The following ZDHHC17 variants were observed in gnomAD, a reference collection of about 807,000 sequenced individuals.
The protein encoded by ZDHHC17 is zDHHC palmitoyltransferase 17.
In ZDHHC17, 40 loss-of-function variants were observed where a neutral mutation model predicts 90.3. The ratio of observed to expected loss-of-function variants is 0.44; its 90% CI spans 0.34 to 0.58. The LOEUF is 0.58. Ranked by LOEUF, ZDHHC17 falls within the 20% of genes least tolerant of loss-of-function variation. ZDHHC17 has a pLI of 0.01. For missense variants in ZDHHC17, 614 were observed against 780.8 expected (o/e 0.79, Z 2.55); for synonymous variants, 235 against 252.4 (o/e 0.93, Z 0.65).
At chr12:76,811,687 A>G (rs1233456180) in intron 5 of ZDHHC17, among the ~76,000 whole-genome samples, 1 of 151,970 alleles carries the variant, frequency 6.6e-6, no homozygotes, top group Non-Finnish European at 1.5e-5. Context: ...ATTCAGGCAT[A>G]ATAGAATATG....
At chr12:76,842,688 A>G (rs1393750531) in intron 11 of ZDHHC17, among the ~76,000 whole-genome samples, 3 of 152,204 alleles carry the variant, frequency 2.0e-5, no homozygotes, top group Non-Finnish European at 4.4e-5. Flanking sequence ...TGACTAAGAC[A>G]ATGGCAGATT....
In ZDHHC17 at chr12:76,769,532, A is replaced by G. The variant is rs1240052206; in HGVS notation, c.93+5203A>G. Among the ~76,000 whole-genome samples the G allele has an allele frequency of 3.3e-5, 5 of 152,228 alleles. No individual in the cohort carries two copies. In the East Asian group the frequency reaches 7.7e-4, roughly 23 times the overall value. On this transcript the variant is annotated intron_variant, in intron 1 of 16. Transcript: ENST00000426126. Reference sequence around the variant, plus strand: ...CTTTGAAAGTTGTTTTTCTTCCCATAGGTTACCTGCAACTCTTTTCCTTCA... The same window carrying G: ...CTTTGAAAGTTGTTTTTCTTCCCATGGGTTACCTGCAACTCTTTTCCTTCA...
intron 1 of ZDHHC17, among the ~76,000 whole-genome samples, chr12:76,767,035 G>T (rs1023713529): frequency 6.9e-6 from 1 of 145,428 alleles, no homozygotes; most frequent in African/African-American, 2.7e-5. Context: ...AAAAAAAAAA[G>T]AAAAGAAAAG....
chr12:76,833,700 G>C (rs1315534729), intron 10 of ZDHHC17, among the ~76,000 whole-genome samples: 1 of 152,194 alleles, frequency 6.6e-6, no homozygotes, highest in African/African-American at 2.4e-5. Context: ...GCTGAGGCAG[G>C]AGAATGGCAT....
chr12:76,826,786 G>C, intron 8 of ZDHHC17, 122 bp from the exon 9 acceptor site: 1 of 950,926 alleles, frequency 1.1e-6, no homozygotes, highest in Non-Finnish European at 1.5e-6. Context: ...CTGATACATA[G>C]CATGCAAATT....
At chr12:76,774,681 A>G (rs955259261) in intron 1 of ZDHHC17, among the ~76,000 whole-genome samples, 2 of 152,198 alleles carry the variant, frequency 1.3e-5, no homozygotes, top group East Asian at 3.8e-4. Flanking sequence ...TGGGCAAATT[A>G]CTTAATCTTC....
chr12:76,816,076 G>T, intron 7 of ZDHHC17, 57 bp downstream of exon 7: 1 of 1,314,698 alleles, frequency 7.6e-7, no homozygotes, highest in Non-Finnish European at 9.8e-7. Flanking sequence ...TGTGAATTCT[G>T]TAATAAAACA....
rs58051393 is a variant in ZDHHC17 at position 76,829,455 on chromosome 12, CAAAAAAAAAAAAAA to C, written c.1141+981_1141+994del. Among the ~76,000 whole-genome samples, 71 of 71,890 alleles carry C rather than the reference CAAAAAAAAAAAAAA, an allele frequency of 9.9e-4. 1 individual carries two copies. Among genetic ancestry groups the C allele is most frequent in the Admixed American group, 1.2e-3 (6 of 4,914 alleles). The allele number at this position is 71,890 out of a possible 152,430, so 47.2% of individuals were successfully genotyped here. A position where few individuals can be genotyped will look rare whatever the true frequency, so the allele number is the denominator to read the frequency against. ...TGGGTGACAGAGTGAGACTATGTCT[CAAAAAAAAAAAAAA>C]AAAAAAAAAAAAAAAGAACTACCAT... On this transcript the variant is annotated intron_variant, in intron 10 of 16. Coordinates refer to ENST00000426126, the MANE Select transcript of ZDHHC17 (RefSeq NM_015336.4).
At chr12:76,849,672 A>AT (rs1009567240) in intron 16 of ZDHHC17, 2 of 375,836 alleles carry the variant, frequency 5.3e-6, no homozygotes, top group Non-Finnish European at 4.7e-6. Flanking sequence ...ATCTCCTTAT[A>AT]TTTTTTTCTT....
chr12:76,828,645 T>A (rs193116552), intron 10 of ZDHHC17, among the ~76,000 whole-genome samples, 155 bp downstream of exon 10: 47 of 152,322 alleles, frequency 3.1e-4, no homozygotes, highest in African/African-American at 1.1e-3. Context: ...GTAATGTTTT[T>A]AAATATTTAA....
chr12:76,828,535 GTTA>G, intron 10 of ZDHHC17, 45 bp downstream of exon 10: 3 of 1,544,270 alleles, frequency 1.9e-6, no homozygotes, highest in Non-Finnish European at 1.8e-6. Flanking sequence ...AATTTTGTTT[GTTA>G]TTTGAATAGA....
At chr12:76,816,363 A>G (rs1953087215) in intron 7 of ZDHHC17, among the ~76,000 whole-genome samples, 1 of 152,044 alleles carries the variant, frequency 6.6e-6, no homozygotes, top group Non-Finnish European at 1.5e-5. Flanking sequence ...GAAATCAGTA[A>G]ACATTTTATT....
intron 9 of ZDHHC17, 90 bp from the exon 10 acceptor site, chr12:76,828,300 A>C: frequency 2.6e-6 from 3 of 1,152,408 alleles, no homozygotes; most frequent in Non-Finnish European, 3.6e-6. Context: ...AATGCTTACT[A>C]TACAAAATGT....
chr12:76,777,092 C>A (rs1169615295), intron 1 of ZDHHC17, among the ~76,000 whole-genome samples: 1 of 151,828 alleles, frequency 6.6e-6, no homozygotes, highest in Admixed American at 6.6e-5. Context: ...AATAGCACAA[C>A]CAGGAAATTA....
intron 2 of ZDHHC17, among the ~76,000 whole-genome samples, chr12:76,800,555 ATTG>A (rs1234354968): frequency 2.0e-5 from 3 of 152,194 alleles, no homozygotes; most frequent in African/African-American, 4.8e-5. Flanking sequence ...TTAATTTATA[ATTG>A]TTGTATCTTC....
At chr12:76,835,058 CT>C (rs56119519) in intron 10 of ZDHHC17, among the ~76,000 whole-genome samples, 4,581 of 139,500 alleles carry the variant, frequency 0.033, 123 homozygotes, top group African/African-American at 0.083. Flanking sequence ...AGCCTTAGGC[CT>C]TTTTTTTTTT....
At chr12:76,783,970 G>A (rs1952656955) in intron 1 of ZDHHC17, among the ~76,000 whole-genome samples, 1 of 152,234 alleles carries the variant, frequency 6.6e-6, no homozygotes, top group African/African-American at 2.4e-5. Context: ...TCTGGAGGGA[G>A]CAGAGTGTGT....
intron 7 of ZDHHC17, among the ~76,000 whole-genome samples, chr12:76,819,882 A>G (rs926466367): frequency 1.3e-5 from 2 of 151,480 alleles, no homozygotes; most frequent in Non-Finnish European, 2.9e-5. Flanking sequence ...AATCCCAGCT[A>G]CTCGGGAGGC....
chr12:76,799,533 C>G (rs1302907617), intron 2 of ZDHHC17, among the ~76,000 whole-genome samples: 1 of 152,134 alleles, frequency 6.6e-6, no homozygotes, highest in Non-Finnish European at 1.5e-5. Context: ...TTCAGACTTC[C>G]CTGAATGCCT....
Sources: gnomAD v4.1 joint callset for allele counts (sites outside exome capture counted in the v4.1 genomes callset) on GRCh38, gnomAD v4.1.1 for gene constraint, MANE v1.5 for transcripts, NCBI Gene and HGNC (gene_info 2026-07-23, HGNC 2026-07-21) for gene names.